CRYAB: variants seen among roughly 807,000 people sequenced by gnomAD.
CRYAB encodes crystallin alpha B.
In CRYAB, 9 loss-of-function variants were observed where a neutral mutation model predicts 12.7. That is an observed-to-expected ratio of 0.71 (90% CI 0.43 to 1.24). CRYAB has a LOEUF of 1.24. Ranked by LOEUF, CRYAB falls within the 50% of genes most tolerant of loss-of-function variation. The pLI is 0.00. For missense variants in CRYAB, 183 were observed against 226.6 expected, an observed-to-expected ratio of 0.81 and a Z score of 1.24; for synonymous variants, 93 against 86.8, an observed-to-expected ratio of 1.07 and a Z score of -0.40.
At chr11:111,918,904 C>G (rs1965639650) in intron 1 of CRYAB, 1 of 1,594,194 alleles carries the variant, frequency 6.3e-7, no homozygotes, top group South Asian at 1.1e-5. Context: ...AAAGCTCAAC[C>G]AGGAACCCGG....
intron 1 of CRYAB, chr11:111,918,960 G>A: frequency 3.1e-6 from 5 of 1,614,204 alleles, no homozygotes; most frequent in Non-Finnish European, 4.2e-6. Context: ...GGCTCCCTTG[G>A]AGACAGAGCG....
rs782573208 is a variant in CRYAB, at chr11:111,908,669, C to G, written c.*95G>C. Reference sequence around the variant, plus strand: ...ATTAGCTTGATAATTTGGGCCTGCCCTTAGCATTAATAAGCTTCAGCACTA... The same window carrying G: ...ATTAGCTTGATAATTTGGGCCTGCCGTTAGCATTAATAAGCTTCAGCACTA... On this transcript the variant is annotated 3_prime_UTR_variant, in exon 3 of 3. Coordinates refer to ENST00000650687, the MANE Select transcript of CRYAB (RefSeq NM_001289808.2). The G allele has an allele frequency of 8.0e-7, 1 of 1,253,854 alleles. No homozygotes were observed. 77.7% of individuals were successfully genotyped at this position (1,253,854 alleles called of 1,614,324 possible).
Position 111,911,589 on chromosome 11 carries a change from G to A in CRYAB, c.136C>T (p.Pro46Ser), listed in dbSNP as rs1555165557. ...DLFPTSTSLS[P>S]FYLRPPSFLR... ...AAGGAGGGTGGCCGAAGGTAGAAGG[G>A]ACTCAGGGAAGTAGACGTCGGGAAA... Residue 46 changes from proline (P) to serine (S), a missense_variant, in exon 1 of 3, where the codon CCC (proline) becomes TCC (serine). Coordinates refer to ENST00000650687, the MANE Select transcript of CRYAB (RefSeq NM_001289808.2). The A allele has an allele frequency of 6.2e-7, 1 of 1,613,422 alleles. No individual in the cohort carries two copies. Among genetic ancestry groups the A allele is most frequent in the South Asian group, 1.1e-5 (1 of 90,790 alleles).
intron 2 of CRYAB, chr11:111,909,188 C>T (rs947485918): frequency 3.1e-6 from 2 of 636,062 alleles, no homozygotes; most frequent in East Asian, 3.2e-5. Context: ...CAGTCCAACA[C>T]TTCATTGTTT....
upstream of CRYAB, chr11:111,912,689 CAAGAG>C: frequency 3.7e-6 from 2 of 535,176 alleles, no homozygotes; most frequent in Non-Finnish European, 6.7e-6. Context: ...CCTCCCCCCC[CAAGAG>C]GCTCGGCACT....
rs373551429 is a variant in CRYAB, at chr11:111,908,821, G to C, written c.471C>G (p.Arg157=). The part of the protein sequence containing the change: ...GPRKQVSGPE[R]TIPITREEKP... ...TCTCTTCACGGGTGATGGGAATGGTGCGCTCAGGGCCAGAGACCTGTTTCC... is the reference window on the plus strand; with the variant it reads ...TCTCTTCACGGGTGATGGGAATGGTCCGCTCAGGGCCAGAGACCTGTTTCC... Residue 157 remains arginine (R), a synonymous_variant, in exon 3 of 3, where the codon CGC becomes CGG. Transcript: ENST00000650687. 15 of 1,613,600 alleles carry C rather than the reference G, an allele frequency of 9.3e-6. No individual in the cohort carries two copies. Among genetic ancestry groups the C allele is most frequent in the Non-Finnish European group, 1.3e-5 (15 of 1,180,044 alleles).
chr11:111,913,815 G>T (rs1965550464), upstream of CRYAB: 3 of 1,614,016 alleles, frequency 1.9e-6, no homozygotes, highest in African/African-American at 2.7e-5. Flanking sequence ...GGACACAGAG[G>T]TCAATGAGGT....
chr11:111,911,275 G>A (rs1965444474), intron 1 of CRYAB, among the ~76,000 whole-genome samples: 2 of 152,196 alleles, frequency 1.3e-5, no homozygotes. Flanking sequence ...GGGGTATCCT[G>A]TAGAGAAGTT....
At chr11:111,910,262 A>G (rs782489115) in intron 2 of CRYAB, 65 bp downstream of exon 2, 1 of 1,602,184 alleles carries the variant, frequency 6.2e-7, no homozygotes, top group Non-Finnish European at 8.5e-7. Flanking sequence ...AGCTGATAGC[A>G]CTACCTGGAC....
At position 111,908,770 on chromosome 11, in the gene CRYAB, C is replaced by A. The variant is rs1965352034; in HGVS notation, c.522G>T (p.Lys174Asn). 6.2e-7 allele frequency: 1 copy of A among 1,612,630 alleles called. No individual in the cohort carries two copies. The highest frequency in any genetic ancestry group is 8.5e-7 in the Non-Finnish European group (1 of 1,180,006). The change falls in exon 3 of 3, where the codon AAG (lysine) becomes AAT (asparagine). Residue 174 changes from lysine (K) to asparagine (N), a missense_variant. Physicochemically the swap from Lys to Asn is moderately conservative, Grantham distance 94. Around this residue, in one of 3 missense-constraint regions of CRYAB, gnomAD observed 95 missense variants for 112.5 expected, o/e 0.84. Transcript: ENST00000650687. ...EEKPAVTAAP[K>N]K ...GCAATTCAAGAAAGGGCATCTATTT[C>A]TTGGGGGCTGCGGTGACAGCAGGCT... is the stretch of plus-strand genomic sequence containing the variant.
intron 2 of CRYAB, 56 bp from the exon 3 acceptor site, chr11:111,909,023 C>T: frequency 3.2e-6 from 5 of 1,583,330 alleles, no homozygotes; most frequent in Non-Finnish European, 4.3e-6. Context: ...ACTATTATCA[C>T]CTGCCCAGAA....
At chr11:111,914,063 G>T (rs990680132), upstream of CRYAB, 43 of 673,152 alleles carry the variant, frequency 6.4e-5, no homozygotes, top group Non-Finnish European at 1.0e-4. Flanking sequence ...TTTAGTTTTG[G>T]GTGGAGCTGA....
At chr11:111,913,876 C>T (rs782498567), upstream of CRYAB, 9 of 1,610,100 alleles carry the variant, frequency 5.6e-6, no homozygotes, top group South Asian at 9.9e-5. Context: ...GAGGAGGAGG[C>T]AGCCATAGTT....
At chr11:111,915,899 C>T (rs1279436861), upstream of CRYAB, among the ~76,000 whole-genome samples, 1 of 152,056 alleles carries the variant, frequency 6.6e-6, no homozygotes, top group African/African-American at 2.4e-5. Context: ...TGTGCCACCA[C>T]GCCTGGCTAA....
chr11:111,917,619 A>C (rs1263811860), upstream of CRYAB, among the ~76,000 whole-genome samples: 2 of 151,496 alleles, frequency 1.3e-5, no homozygotes, highest in Non-Finnish European at 2.9e-5. Context: ...CCTGGTCCAC[A>C]TAACAAGACC....
upstream of CRYAB, chr11:111,913,300 A>G (rs1592512452): frequency 1.5e-6 from 1 of 682,802 alleles, no homozygotes; most frequent in Non-Finnish European, 2.6e-6. Flanking sequence ...TCCTAGCTAC[A>G]GTGTGGCCTC....
upstream of CRYAB, among the ~76,000 whole-genome samples, chr11:111,916,856 T>C (rs2137394551): frequency 6.6e-6 from 1 of 152,148 alleles, no homozygotes; most frequent in Non-Finnish European, 1.5e-5. Context: ...TTTTCCTTTT[T>C]TTCTTTTCTT....
rs191284997 is a variant in CRYAB, at chr11:111,920,126, C to T, written c.-199+3577G>A. Among the ~76,000 whole-genome samples, 1,088 of 152,066 alleles carry T rather than the reference C, an allele frequency of 7.2e-3. 8 individuals are homozygous for T. The highest frequency in any genetic ancestry group is 0.013 in the Non-Finnish European group (887 of 67,982). ...AGGAGAATCCCTTGAACCCAGGAGA[C>T]GGAGCTTGCAGTGAGCCGAGATTGC... On this transcript the variant is annotated intron_variant, in intron 1 of 3. Coordinates refer to the CRYAB transcript ENST00000527950.
upstream of CRYAB, among the ~76,000 whole-genome samples, chr11:111,916,411 C>T (rs1965598552): frequency 6.6e-6 from 1 of 151,450 alleles, no homozygotes; most frequent in Non-Finnish European, 1.5e-5. Flanking sequence ...TTTGTAGAGA[C>T]TGGGTTTCGC....
Sources: gnomAD v4.1 joint callset for allele counts (sites outside exome capture counted in the v4.1 genomes callset) on GRCh38, gnomAD v4.1.1 for gene constraint, gnomAD v4.1.1 regional missense constraint, MANE v1.5 for transcripts, NCBI Gene and HGNC (gene_info 2026-07-23, HGNC 2026-07-21) for gene names.